AP1M1: variants seen among roughly 807,000 people sequenced by gnomAD.
AP1M1 encodes the protein AP-1 complex subunit mu-1.
AP1M1 carries 18 observed loss-of-function variants against 57.1 expected under a neutral mutation model. The observed-to-expected ratio is 0.32, with a 90% CI of 0.22 to 0.47. AP1M1 has a LOEUF of 0.47. Among genes scored for constraint, AP1M1 ranks in the 20% least tolerant of loss-of-function variants. The pLI, the probability that AP1M1 is intolerant of heterozygous loss-of-function variation, is 1.00. For synonymous variants in AP1M1, 241 were observed against 237.9 expected (o/e 1.01, Z -0.12); for missense variants, 362 against 593.5 (o/e 0.61, Z 4.05).
At chr19:16,217,931 G>A (rs1457827806) in intron 5 of AP1M1, among the ~76,000 whole-genome samples, 2 of 152,136 alleles carry the variant, frequency 1.3e-5, no homozygotes, top group African/African-American at 4.8e-5. Flanking sequence ...AGAGGTCAGG[G>A]CAGAAGCGCC....
chr19:16,207,881 A>C lies in AP1M1; in HGVS notation c.268-138A>C. ...CCATAACCTGGGTCCAGGGCCCTGT[A>C]GCACACCACCGAGCCTGGGAAGTAG... is the stretch of plus-strand genomic sequence containing the variant. On this transcript the variant is annotated intron_variant, in intron 3 of 11. Coordinates refer to ENST00000291439, the MANE Select transcript of AP1M1 (RefSeq NM_032493.4). The surrounding 1 kb of genome is among the most constrained non-coding windows in gnomAD (Gnocchi z 4.2). The C allele has an allele frequency of 8.6e-7, 1 of 1,163,072 alleles. No homozygotes were observed. The highest frequency in any genetic ancestry group is 1.2e-6 in the Non-Finnish European group (1 of 826,328). The allele number at this position is 1,163,072 out of a possible 1,614,324, so 72.0% of individuals were successfully genotyped here.
rs12980656 is a variant in AP1M1, at chr19:16,244,841, T to A, written c.*10406T>A. ...GACAGAGCGAGACTCCGTCTCAAAA[T>A]AAATAAATAAATAAATAAATAACAT... On this transcript the variant is annotated 3_prime_UTR_variant, in exon 12 of 12. Coordinates refer to ENST00000291439, the MANE Select transcript of AP1M1 (RefSeq NM_032493.4). The A allele has an allele frequency of 0.69, 104,662 of 151,340 alleles. 36,583 individuals are homozygous for A. The highest frequency in any genetic ancestry group is 0.75 in the Non-Finnish European group (50,732 of 67,806). 9.4% of individuals were successfully genotyped at this position (151,340 alleles called of 1,614,324 possible). A position where few individuals can be genotyped will look rare whatever the true frequency, so the allele number is the denominator to read the frequency against.
At chr19:16,223,499 G>A (rs1357417292) in intron 5 of AP1M1, among the ~76,000 whole-genome samples, 2 of 152,268 alleles carry the variant, frequency 1.3e-5, no homozygotes, top group African/African-American at 4.8e-5. Context: ...ATGGAGAGAG[G>A]ACAGAGAGAG....
chr19:16,198,006 C>CCGCCGCCACCGCCCTCGGCCGCTGT lies in AP1M1; in HGVS notation c.-19_-18insCCGCCACCGCCCTCGGCCGCTGTCG, dbSNP rs776817269. The CCGCCGCCACCGCCCTCGGCCGCTGT allele has an allele frequency of 6.4e-6, 10 of 1,574,022 alleles. No homozygotes were observed. The East Asian group carries it at 1.8e-4, about 28-fold the overall frequency. On this transcript the variant is annotated 5_prime_UTR_variant, in exon 1 of 12. Coordinates refer to ENST00000291439, the MANE Select transcript of AP1M1 (RefSeq NM_032493.4). ...CCGCCGCCACCGCCCTCGGCCGCTG[C>CCGCCGCCACCGCCCTCGGCCGCTGT]CGAGGCCTCCTGCAGCCATCATGTC...
In AP1M1 at chr19:16,203,335, C is replaced by T. The variant is rs765678609; in HGVS notation, c.43-124C>T. The T allele has an allele frequency of 4.6e-5, 43 of 929,272 alleles. 1 individual carries two copies. Among genetic ancestry groups the T allele is most frequent in the African/African-American group, 3.8e-4 (23 of 60,746 alleles). The allele number at this position is 929,272 out of a possible 1,614,324, so 57.6% of individuals were successfully genotyped here. ...AACGGCCTCAAGTCCTGCTCTTTTGCGGATAGTGGCCATGACCGGAGTCCC... is the reference window on the plus strand; with the variant it reads ...AACGGCCTCAAGTCCTGCTCTTTTGTGGATAGTGGCCATGACCGGAGTCCC... On this transcript the variant is annotated intron_variant, in intron 1 of 11. Transcript: ENST00000291439. The surrounding 1 kb of genome is among the most constrained non-coding windows in gnomAD (Gnocchi z 4.6).
rs926271576 is a variant in AP1M1 at position 16,235,618 on chromosome 19, C to T, written c.*1183C>T. The T allele has an allele frequency of 9.8e-5, 15 of 152,528 alleles. No homozygotes were observed. Among genetic ancestry groups the T allele is most frequent in the African/African-American group, 2.9e-4 (12 of 41,578 alleles). 9.4% of individuals were successfully genotyped at this position (152,528 alleles called of 1,614,324 possible). A position where few individuals can be genotyped will look rare whatever the true frequency, so the allele number is the denominator to read the frequency against. On this transcript the variant is annotated 3_prime_UTR_variant, in exon 12 of 12. Transcript: ENST00000291439. ...CCTCAGATGGCCAACAGCTTGTCCCCACCTCTCCCCAAACTGATGGCCCAC... is the reference window on the plus strand; with the variant it reads ...CCTCAGATGGCCAACAGCTTGTCCCTACCTCTCCCCAAACTGATGGCCCAC...
At chr19:16,210,500 G>C in intron 5 of AP1M1, 1 of 667,840 alleles carries the variant, frequency 1.5e-6, no homozygotes, top group East Asian at 2.7e-5. Flanking sequence ...TTTGTCAGTA[G>C]TTTTATTTTT....
Position 16,241,023 on chromosome 19 carries a change from T to C in AP1M1, c.*6588T>C, listed in dbSNP as rs188667176. 2.0e-4 allele frequency: 30 copies of C among 152,182 alleles called. No individual in the cohort carries two copies. Among genetic ancestry groups the C allele is most frequent in the African/African-American group, 5.5e-4 (23 of 41,532 alleles). The allele number at this position is 152,182 out of a possible 1,614,324, so 9.4% of individuals were successfully genotyped here. A position where few individuals can be genotyped will look rare whatever the true frequency, so the allele number is the denominator to read the frequency against. On this transcript the variant is annotated 3_prime_UTR_variant, in exon 12 of 12. Transcript: ENST00000291439. ...TCTAGAATTCTGAGCCCACCTCATC[T>C]GTAAAAGGTAGGACAAGCCGGGCAT...
In AP1M1 at chr19:16,227,941, A is replaced by G. The variant is rs2091578324; in HGVS notation, c.817-196A>G. Among the ~76,000 whole-genome samples the G allele has an allele frequency of 6.6e-6, 1 of 152,162 alleles. No homozygotes were observed. Among genetic ancestry groups the G allele is most frequent in the Non-Finnish European group, 1.5e-5 (1 of 68,024 alleles). The stretch of plus-strand genomic sequence containing the variant: ...TGGTCATGTTTTCTGCATTTGCCCC[A>G]AGGCCTCCCCGGTAGCTCCCGGCTA... On this transcript the variant is annotated intron_variant, in intron 7 of 11. Coordinates refer to ENST00000291439, the MANE Select transcript of AP1M1 (RefSeq NM_032493.4). This position sits in a 1 kb window ranked among gnomAD's most constrained non-coding sequence, Gnocchi z 6.2.
chr19:16,210,780 G>A (rs1446965735), intron 5 of AP1M1, among the ~76,000 whole-genome samples: 3 of 151,950 alleles, frequency 2.0e-5, no homozygotes, highest in African/African-American at 7.3e-5. Flanking sequence ...GGCTGGTCTC[G>A]AACTCCTGAC....
At position 16,239,419 on chromosome 19, in the gene AP1M1, C is replaced by A. The variant is rs28538520; in HGVS notation, c.*4984C>A. ...AGACCCTGTCTCTAAAACAAACCAACAAAACACCCCCCAAAAATGACAATG... is the reference window on the plus strand; with the variant it reads ...AGACCCTGTCTCTAAAACAAACCAAAAAAACACCCCCCAAAAATGACAATG... On this transcript the variant is annotated 3_prime_UTR_variant, in exon 12 of 12. Coordinates refer to ENST00000291439, the MANE Select transcript of AP1M1 (RefSeq NM_032493.4). The A allele has an allele frequency of 0.17, 25,021 of 151,140 alleles. 3,623 individuals are homozygous for A. The highest frequency in any genetic ancestry group is 0.38 in the African/African-American group (15,482 of 41,110). 9.4% of individuals were successfully genotyped at this position (151,140 alleles called of 1,614,324 possible). A position where few individuals can be genotyped will look rare whatever the true frequency, so the allele number is the denominator to read the frequency against.
rs891112260 is a variant in AP1M1, at chr19:16,237,734, CAAAAG to C, written c.*3304_*3308del. On this transcript the variant is annotated 3_prime_UTR_variant, in exon 12 of 12. Coordinates refer to ENST00000291439, the MANE Select transcript of AP1M1 (RefSeq NM_032493.4). ...TGGGCAACAGAGCAAGACTTCATCT[CAAAAG>C]AAAAAAAAAAGGCAAACGTTCAACC... The C allele has an allele frequency of 6.7e-6, 1 of 149,646 alleles. No individual in the cohort carries two copies. Among genetic ancestry groups the C allele is most frequent in the Non-Finnish European group, 1.5e-5 (1 of 67,442 alleles). 9.3% of individuals were successfully genotyped at this position (149,646 alleles called of 1,614,324 possible).
At position 16,240,838 on chromosome 19, in the gene AP1M1, C is replaced by G. The variant is rs1422451042; in HGVS notation, c.*6403C>G. Reference sequence around the variant, plus strand: ...AATTCGTAACTAAAATAATCATAGTCGAACCACAGAACATATCAGACTCAG... The same window carrying G: ...AATTCGTAACTAAAATAATCATAGTGGAACCACAGAACATATCAGACTCAG... On this transcript the variant is annotated 3_prime_UTR_variant, in exon 12 of 12. Transcript: ENST00000291439. 6.6e-6 allele frequency: 1 copy of G among 152,152 alleles called. No individual in the cohort carries two copies. The highest frequency in any genetic ancestry group is 1.9e-4 in the East Asian group (1 of 5,190). 9.4% of individuals were successfully genotyped at this position (152,152 alleles called of 1,614,324 possible).
intron 9 of AP1M1, among the ~76,000 whole-genome samples, chr19:16,229,605 A>C (rs769185971): frequency 6.6e-5 from 10 of 151,920 alleles, no homozygotes; most frequent in Non-Finnish European, 1.3e-4. Flanking sequence ...TCCCAGGGGG[A>C]CTTGGGGACA....
intron 5 of AP1M1, among the ~76,000 whole-genome samples, chr19:16,216,297 T>G (rs1304159642): frequency 1.2e-4 from 19 of 152,218 alleles, no homozygotes; most frequent in Non-Finnish European, 2.9e-5. Context: ...TACAAAAAAT[T>G]AGCCGGGTGT....
chr19:16,203,598 A>G lies in AP1M1; in HGVS notation c.182A>G (p.Lys61Arg). The change falls in exon 2 of 12, where the codon AAA becomes AGA. Residue 61 changes from lysine to arginine, a missense_variant. Transcript: ENST00000291439. This position sits in a 1 kb window ranked among gnomAD's most constrained non-coding sequence, Gnocchi z 4.6. Reference protein sequence around the residue: ...AHGGVRFMWIKHNNLYLVATS... With the variant: ...AHGGVRFMWIRHNNLYLVATS... Reference sequence around the variant, plus strand: ...GGGGGGGTCCGTTTCATGTGGATCAAACACAACAACCTGTATCGTATCCCT... The same window carrying G: ...GGGGGGGTCCGTTTCATGTGGATCAGACACAACAACCTGTATCGTATCCCT... 2 of 1,612,488 alleles carry G rather than the reference A, an allele frequency of 1.2e-6. No individual in the cohort carries two copies. The highest frequency in any genetic ancestry group is 2.2e-5 in the South Asian group (2 of 90,958).
intron 5 of AP1M1, among the ~76,000 whole-genome samples, chr19:16,223,953 T>C (rs1319877878): frequency 6.6e-6 from 1 of 152,186 alleles, no homozygotes; most frequent in Non-Finnish European, 1.5e-5. Flanking sequence ...AATCCAGTCA[T>C]GCAGGTCACT....
intron 9 of AP1M1, among the ~76,000 whole-genome samples, chr19:16,230,895 T>G (rs2091592967): frequency 6.6e-6 from 1 of 151,798 alleles, no homozygotes; most frequent in South Asian, 2.1e-4. Context: ...AAAAGCAAAA[T>G]TAATTCATCA....
At position 16,234,568 on chromosome 19, in the gene AP1M1, CT is replaced by C; in HGVS notation, c.*134del. On this transcript the variant is annotated 3_prime_UTR_variant, in exon 12 of 12. Transcript: ENST00000291439. ...CCTCCCAGCCTCTGCCCAGGGACCC[CT>C]GCCTTCCCCAGGCCATCTGCTCTGC... 2.6e-6 allele frequency: 3 copies of C among 1,158,380 alleles called. No homozygotes were observed. The Middle Eastern group carries it at 6.4e-4, about 249-fold the overall frequency. 71.8% of individuals were successfully genotyped at this position (1,158,380 alleles called of 1,614,324 possible).
Sources: gnomAD v4.1 joint callset for allele counts (sites outside exome capture counted in the v4.1 genomes callset) on GRCh38, gnomAD v4.1.1 for gene constraint, Gnocchi (gnomAD v3.1) non-coding constraint, MANE v1.5 for transcripts, NCBI Gene and HGNC (gene_info 2026-07-23, HGNC 2026-07-21) for gene names.